Variants in PAICS observed in about 807,000 individuals in gnomAD.
The protein encoded by PAICS is phosphoribosylaminoimidazole carboxylase and phosphoribosylaminoimidazolesuccinocarboxamide synthase.
PAICS carries 33 observed loss-of-function variants against 53.7 expected under a neutral mutation model. That is an observed-to-expected ratio of 0.61 (90% CI 0.47 to 0.82). The LOEUF (loss-of-function observed/expected upper bound fraction) is 0.82, where lower values mean the gene tolerates loss of function less well. PAICS is among the 40% of genes least tolerant of loss of function. The pLI, the probability that PAICS is intolerant of heterozygous loss-of-function variation, is 0.00. For missense variants in PAICS, 394 were observed against 494.1 expected, an observed-to-expected ratio of 0.80 and a Z score of 1.92; for synonymous variants, 141 against 167.2, an observed-to-expected ratio of 0.84 and a Z score of 1.21.
chr4:56,444,834 T>G (rs896097587), intron 2 of PAICS, among the ~76,000 whole-genome samples: 3 of 152,146 alleles, frequency 2.0e-5, no homozygotes, highest in African/African-American at 7.2e-5. Context: ...ATCTTTATAT[T>G]AAAAACAATA....
At chr4:56,421,429 C>G in the PAICS span, 1 of 152,396 alleles carries the variant, frequency 6.6e-6, no homozygotes, top group African/African-American at 2.4e-5. Context: ...CCCCTCACCC[C>G]CTGGTCCATG....
At chr4:56,447,066 T>A (rs1718660027) in intron 3 of PAICS, among the ~76,000 whole-genome samples, 193 bp downstream of exon 3, 1 of 150,570 alleles carries the variant, frequency 6.6e-6, no homozygotes, top group Admixed American at 6.7e-5. Context: ...AAATCAAATT[T>A]TAAAAAGAAA....
rs769916779 is a variant in PAICS, at chr4:56,446,859, G to T, written c.379G>T (p.Glu127Ter). 2 of 1,603,808 alleles carry T rather than the reference G, an allele frequency of 1.2e-6. No individual in the cohort carries two copies. The highest frequency in any genetic ancestry group is 3.4e-5 in the Admixed American group (2 of 58,730). ...EGYKFYPPKV[E>*]LFFKDDANND... ...ATATAAGTTTTACCCACCTAAAGTG[G>T]AGTTGTTTTTCAAGGTAATTATCTT... The change falls in exon 3 of 9, where the codon GAG becomes TAG. Residue 127 changes from glutamate (E) to a stop codon, truncating the protein, a stop_gained. Transcript: ENST00000512576. LOFTEE classifies it high-confidence loss of function.
chr4:56,449,777 A>C (rs1230510312), intron 5 of PAICS, among the ~76,000 whole-genome samples: 1 of 149,832 alleles, frequency 6.7e-6, no homozygotes, highest in Non-Finnish European at 1.5e-5. Context: ...GGAGTTCAAG[A>C]CCAGGCCAAG....
intron 8 of PAICS, among the ~76,000 whole-genome samples, chr4:56,458,728 G>A (rs143584338): frequency 2.6e-5 from 4 of 151,954 alleles, no homozygotes; most frequent in African/African-American, 9.7e-5. Context: ...GCAAACACTA[G>A]ACATAATAGT....
chr4:56,455,430 G>C (rs1320807149), intron 8 of PAICS, among the ~76,000 whole-genome samples: 1 of 152,004 alleles, frequency 6.6e-6, no homozygotes, highest in Non-Finnish European at 1.5e-5. Flanking sequence ...CTTCTCTCTA[G>C]GCATCCTGTA....
the PAICS span, among the ~76,000 whole-genome samples, chr4:56,425,080 T>C: frequency 6.6e-6 from 1 of 152,160 alleles, no homozygotes; most frequent in South Asian, 2.1e-4. Context: ...TAGCAAAACA[T>C]ATTTCCAAAA....
chr4:56,436,386 G>A, intron 1 of PAICS, 58 bp downstream of exon 1: 2 of 1,298,898 alleles, frequency 1.5e-6, no homozygotes, highest in Non-Finnish European at 2.2e-6. Flanking sequence ...CCGTGAGCTC[G>A]CGGCCACGTG....
chr4:56,410,754 G>T, the PAICS span: 1 of 987,042 alleles, frequency 1.0e-6, no homozygotes, highest in Admixed American at 6.2e-5. Context: ...CATAACTCTG[G>T]AGACAGCTCT....
chr4:56,423,825 C>A, the PAICS span, among the ~76,000 whole-genome samples: 2 of 151,958 alleles, frequency 1.3e-5, no homozygotes, highest in Non-Finnish European at 2.9e-5. Flanking sequence ...ATCTCAGCAG[C>A]TAAATACGTA....
intron 2 of PAICS, among the ~76,000 whole-genome samples, chr4:56,443,467 C>T (rs1007898967): frequency 2.0e-5 from 3 of 151,104 alleles, no homozygotes; most frequent in South Asian, 2.1e-4. Context: ...GGATTACAGG[C>T]GTAAGCCACC....
upstream of PAICS, among the ~76,000 whole-genome samples, chr4:56,433,637 G>GCCT (rs1337075045): frequency 6.6e-6 from 1 of 151,760 alleles, no homozygotes; most frequent in African/African-American, 2.4e-5. Context: ...AGACCACCAG[G>GCCT]CAACCCTAAA....
At chr4:56,456,264 G>T (rs1719199382) in intron 8 of PAICS, among the ~76,000 whole-genome samples, 1 of 152,062 alleles carries the variant, frequency 6.6e-6, no homozygotes, top group East Asian at 1.9e-4. Context: ...GCTAATTTTT[G>T]TATTTTTAGT....
intron 3 of PAICS, 49 bp downstream of exon 3, chr4:56,446,922 A>C: frequency 4.5e-6 from 5 of 1,119,492 alleles, no homozygotes; most frequent in East Asian, 2.5e-5. Context: ...CACGGCAATA[A>C]ATTTATAATT....
the PAICS span, chr4:56,419,761 G>C: frequency 3.0e-6 from 3 of 984,812 alleles, no homozygotes; most frequent in Non-Finnish European, 3.6e-6. Flanking sequence ...CAACTAGAGG[G>C]AACAGTGAGA....
At chr4:56,417,262 CAA>C in the PAICS span, among the ~76,000 whole-genome samples, 182 of 151,734 alleles carry the variant, frequency 1.2e-3, no homozygotes, top group African/African-American at 4.1e-3. Flanking sequence ...CATTACAAAG[CAA>C]AGACATTAAA....
chr4:56,448,870 G>A, intron 5 of PAICS, 47 bp downstream of exon 5: 1 of 1,006,870 alleles, frequency 9.9e-7, no homozygotes. Flanking sequence ...ATCAAGCTGA[G>A]ATAGAGGAGA....
intron 2 of PAICS, among the ~76,000 whole-genome samples, chr4:56,445,748 A>C (rs79833238): frequency 0.083 from 12,654 of 152,256 alleles, 677 homozygotes; most frequent in East Asian, 0.27. Context: ...CCTGATAATA[A>C]AAGTTAGACT....
chr4:56,450,510 T>C, intron 5 of PAICS, 109 bp from the exon 6 acceptor site: 1 of 622,640 alleles, frequency 1.6e-6, no homozygotes. Flanking sequence ...TTTTCAGAAG[T>C]ATCCCTTGCT....
Sources: allele counts gnomAD v4.1 joint callset (sites outside exome capture counted in the v4.1 genomes callset), GRCh38; gene constraint gnomAD v4.1.1; transcripts MANE v1.5; gene names NCBI Gene and HGNC (gene_info 2026-07-23, HGNC 2026-07-21).